Variants in PKNOX1 observed in about 807,000 individuals in gnomAD.
PKNOX1 encodes the protein homeobox protein PKNOX1.
PKNOX1 carries 15 observed loss-of-function variants against 51.9 expected under a neutral mutation model. The observed-to-expected ratio is 0.29, with a 90% CI of 0.19 to 0.45. The LOEUF (loss-of-function observed/expected upper bound fraction) is 0.45. Among genes scored for constraint, PKNOX1 ranks in the 20% least tolerant of loss-of-function variants. The pLI is 1.00. For missense variants in PKNOX1, 462 were observed against 547.5 expected, an observed-to-expected ratio of 0.84 and a Z score of 1.56; for synonymous variants, 219 against 211.1, an observed-to-expected ratio of 1.04 and a Z score of -0.32.
rs1980369311 is a variant in PKNOX1, at chr21:43,033,483, C to G, written c.*3382C>G. 6.6e-6 allele frequency: 1 copy of G among 152,612 alleles called. No homozygotes were observed. Among genetic ancestry groups the G allele is most frequent in the Non-Finnish European group, 1.5e-5 (1 of 68,034 alleles). The allele number at this position is 152,612 out of a possible 1,614,324, so 9.5% of individuals were successfully genotyped here. Reference sequence around the variant, plus strand: ...ACTGACAATCTTTGAAATGTGAATACTGTAACAATATGTTTTCTTGGATTG... The same window carrying G: ...ACTGACAATCTTTGAAATGTGAATAGTGTAACAATATGTTTTCTTGGATTG... On this transcript the variant is annotated 3_prime_UTR_variant, in exon 11 of 11. Coordinates refer to ENST00000291547, the MANE Select transcript of PKNOX1 (RefSeq NM_004571.5).
chr21:43,008,551 G>A (rs1568897606), intron 3 of PKNOX1, among the ~76,000 whole-genome samples: 1 of 152,202 alleles, frequency 6.6e-6, no homozygotes, highest in Non-Finnish European at 1.5e-5. Context: ...GCCGAGGCAG[G>A]TGGATTACCT....
At chr21:43,007,659 G>A in intron 3 of PKNOX1, 41 bp downstream of exon 3, 1 of 1,612,104 alleles carries the variant, frequency 6.2e-7, no homozygotes. Flanking sequence ...TCAGAGGAGT[G>A]AGGAGTGTCC....
At chr21:42,984,908 C>CCG (rs1156354632) in intron 1 of PKNOX1, among the ~76,000 whole-genome samples, 2 of 25,838 alleles carry the variant, frequency 7.7e-5, no homozygotes, top group Non-Finnish European at 1.9e-4. Flanking sequence ...TAGGCAGTGC[C>CCG]TGAGAGAGGC....
intron 1 of PKNOX1, among the ~76,000 whole-genome samples, chr21:42,977,465 C>T (rs403415): frequency 0.9 from 136,310 of 151,606 alleles, 61,391 homozygotes; most frequent in African/African-American, 0.91. Flanking sequence ...CTTGCTGCTT[C>T]ACCTTGTACT....
chr21:43,026,672 G>A (rs528368555), intron 9 of PKNOX1, among the ~76,000 whole-genome samples: 1 of 152,260 alleles, frequency 6.6e-6, no homozygotes, highest in African/African-American at 2.4e-5. Flanking sequence ...CAGTAGAATG[G>A]CTTGAACTCG....
At chr21:42,981,448 T>C (rs755564531) in intron 1 of PKNOX1, among the ~76,000 whole-genome samples, 23 of 152,274 alleles carry the variant, frequency 1.5e-4, no homozygotes, top group Non-Finnish European at 3.2e-4. Context: ...ACGTGTTGTC[T>C]GGCATGTGGT....
At chr21:42,979,405 G>A (rs4920023) in intron 1 of PKNOX1, among the ~76,000 whole-genome samples, 5,798 of 152,292 alleles carry the variant, frequency 0.038, 140 homozygotes, top group Middle Eastern at 0.061. Flanking sequence ...GAAAAACATA[G>A]TACCTGCTGA....
chr21:42,986,017 A>AT (rs1555857937), intron 1 of PKNOX1, among the ~76,000 whole-genome samples: 32 of 147,594 alleles, frequency 2.2e-4, no homozygotes, highest in East Asian at 2.1e-4. Context: ...AAAAAAAAAA[A>AT]TTAAAAAAAA....
At chr21:43,000,636 C>T (rs1978710294) in intron 1 of PKNOX1, among the ~76,000 whole-genome samples, 1 of 152,148 alleles carries the variant, frequency 6.6e-6, no homozygotes, top group South Asian at 2.1e-4. Context: ...ACCTGTAATC[C>T]AGCACTTTGG....
At chr21:42,987,407 A>ATATATATATATATATG (rs2059059359) in intron 1 of PKNOX1, among the ~76,000 whole-genome samples, 1 of 80,760 alleles carries the variant, frequency 1.2e-5, no homozygotes, top group Non-Finnish European at 3.1e-5. Flanking sequence ...AAAAAAAAAT[A>ATATATATATATATATG]TATATATATA....
chr21:42,994,030 CCT>C (rs1491463428), intron 1 of PKNOX1, among the ~76,000 whole-genome samples: 2 of 83,070 alleles, frequency 2.4e-5, no homozygotes, highest in Non-Finnish European at 4.7e-5. Flanking sequence ...CCGCGCCCAG[CCT>C]TTTTTTTTTT....
At chr21:43,028,645 C>A in intron 9 of PKNOX1, 57 bp from the exon 10 acceptor site, 1 of 1,509,164 alleles carries the variant, frequency 6.6e-7, no homozygotes, top group Non-Finnish European at 9.2e-7. Context: ...TTTGTTAATC[C>A]TGTATAGGGT....
intron 1 of PKNOX1, among the ~76,000 whole-genome samples, chr21:42,982,520 G>A (rs1028274486): frequency 9.9e-5 from 15 of 151,810 alleles, no homozygotes; most frequent in East Asian, 1.9e-4. Context: ...ACCTGAGGTC[G>A]GGAATTCGAG....
chr21:42,997,975 A>G (rs1978585524), intron 1 of PKNOX1, among the ~76,000 whole-genome samples: 3 of 152,226 alleles, frequency 2.0e-5, no homozygotes, highest in African/African-American at 7.2e-5. Flanking sequence ...CATGTGAGTC[A>G]CATGATCAGA....
At chr21:43,029,055 G>C (rs1275329444) in intron 10 of PKNOX1, 181 bp downstream of exon 10, 1 of 639,676 alleles carries the variant, frequency 1.6e-6, no homozygotes, top group Admixed American at 2.5e-5. Context: ...GGAGCTCTCA[G>C]TAAGAGTTAG....
Position 42,984,974 on chromosome 21 carries a change from CTTTTTTTTTTTT to C in PKNOX1, c.-57+10326_-57+10337del, listed in dbSNP as rs71195904. Among the ~76,000 whole-genome samples, 503 of 58,060 alleles carry C rather than the reference CTTTTTTTTTTTT, an allele frequency of 8.7e-3. 6 individuals are homozygous for C. The highest frequency in any genetic ancestry group is 0.033 in the African/African-American group (471 of 14,088). 38.1% of individuals were successfully genotyped at this position (58,060 alleles called of 152,430 possible). On this transcript the variant is annotated intron_variant, in intron 1 of 10. Transcript: ENST00000291547. Reference sequence around the variant, plus strand: ...GGGTTAGGGTTCCTCATTTTCTTTTCTTTTTTTTTTTTTTTTTTTTTTTTTTTGAGATGGAGT... The same window carrying C: ...GGGTTAGGGTTCCTCATTTTCTTTTCTTTTTTTTTTTTTTTGAGATGGAGT...
At chr21:42,982,819 T>G (rs925464312) in intron 1 of PKNOX1, among the ~76,000 whole-genome samples, 4 of 152,146 alleles carry the variant, frequency 2.6e-5, no homozygotes, top group African/African-American at 9.7e-5. Flanking sequence ...ATACTTTTTT[T>G]TCCCCCACGA....
chr21:42,976,613 G>A (rs2058998871), intron 1 of PKNOX1, among the ~76,000 whole-genome samples: 1 of 152,204 alleles, frequency 6.6e-6, no homozygotes, highest in African/African-American at 2.4e-5. Context: ...TCCACAATGT[G>A]CACAGCGTCT....
chr21:42,975,075 G>A (rs1463407005), intron 1 of PKNOX1, among the ~76,000 whole-genome samples: 1 of 144,324 alleles, frequency 6.9e-6, no homozygotes, highest in Non-Finnish European at 1.5e-5. Flanking sequence ...AGCCCGGCGC[G>A]GGCGGGGCGG....
Sources: gnomAD v4.1 joint callset for allele counts (sites outside exome capture counted in the v4.1 genomes callset) on GRCh38, gnomAD v4.1.1 for gene constraint, MANE v1.5 for transcripts, NCBI Gene and HGNC (gene_info 2026-07-23, HGNC 2026-07-21) for gene names.